The following STX19 variants were observed in gnomAD, a reference collection of about 807,000 sequenced individuals.
STX19 encodes the protein syntaxin 19.
Under a neutral mutation model 24.3 loss-of-function variants are expected in STX19, and 26 were observed. The ratio of observed to expected loss-of-function variants is 1.07; its 90% CI spans 0.78 to 1.48. The LOEUF (loss-of-function observed/expected upper bound fraction) is 1.48, where lower values mean the gene tolerates loss of function less well. Among genes scored for constraint, STX19 ranks in the 40% most tolerant of loss-of-function variants. STX19 has a pLI of 0.00. For synonymous variants in STX19, 116 were observed against 106.9 expected (o/e 1.09, Z -0.52); for missense variants, 367 against 331.9 (o/e 1.11, Z -0.82).
chr3:94,020,869 G>C (rs2076432805), intron 1 of STX19, among the ~76,000 whole-genome samples: 1 of 152,120 alleles, frequency 6.6e-6, no homozygotes, highest in Non-Finnish European at 1.5e-5. Flanking sequence ...AGGTAAAAAA[G>C]TTCAGTCAGT....
chr3:94,017,414 A>G (rs1445806225), intron 1 of STX19, among the ~76,000 whole-genome samples: 1 of 152,214 alleles, frequency 6.6e-6, no homozygotes, highest in Non-Finnish European at 1.5e-5. Flanking sequence ...TGAGTTTGCC[A>G]TCACTGGACA....
chr3:94,021,698 A>G (rs765597947), intron 1 of STX19, among the ~76,000 whole-genome samples: 18 of 152,184 alleles, frequency 1.2e-4, no homozygotes, highest in Non-Finnish European at 2.1e-4. Context: ...AGGTTGGCTT[A>G]GTAATTTATC....
chr3:94,019,496 A>C (rs1355274062), intron 1 of STX19, among the ~76,000 whole-genome samples: 1 of 152,096 alleles, frequency 6.6e-6, no homozygotes, highest in East Asian at 1.9e-4. Flanking sequence ...CAACTGGTCA[A>C]GTCCCTGTTA....
intron 1 of STX19, among the ~76,000 whole-genome samples, chr3:94,018,906 C>T (rs940797269): frequency 6.6e-6 from 1 of 152,060 alleles, no homozygotes; most frequent in East Asian, 1.9e-4. Flanking sequence ...GCTGGGACTA[C>T]AGGCATGTGC....
Position 94,014,926 on chromosome 3 carries a change from T to C in STX19, c.344A>G (p.Glu115Gly). Residue 115 changes from glutamate to glycine, a missense_variant, in exon 2 of 2, where the codon GAA (glutamate) becomes GGA (glycine). Coordinates refer to ENST00000315099, the MANE Select transcript of STX19 (RefSeq NM_001001850.3). ...ATTTTCAACCTCTGACTTTTTAACT[T>C]CTTTAACTAAATCATTCAAACTTCT... The part of the protein sequence containing the change: ...INRSLNDLVK[E>G]VKKSEVENGP... The C allele has an allele frequency of 6.2e-7, 1 of 1,613,590 alleles. No homozygotes were observed. Among genetic ancestry groups the C allele is most frequent in the Non-Finnish European group, 8.5e-7 (1 of 1,179,858 alleles).
intron 1 of STX19, among the ~76,000 whole-genome samples, chr3:94,018,955 A>C (rs893294876): frequency 6.6e-6 from 1 of 151,820 alleles, no homozygotes; most frequent in African/African-American, 2.4e-5. Context: ...TATTAACGAC[A>C]GGGTTTCACC....
chr3:94,015,001 C>T lies in STX19; in HGVS notation c.269G>A (p.Arg90Lys), dbSNP rs2076299894. ...ASMRRFSLLK[R>K]ESTITKEIKI... ...TATCTCCTTTGTAATGGTAGACTCT[C>T]TCTTAAGTAGACTAAACCTTCTCAT... Residue 90 changes from arginine (R) to lysine (K), a missense_variant, in exon 2 of 2, where the codon AGA becomes AAA. Arg to Lys is a conservative substitution (Grantham distance 26). Coordinates refer to ENST00000315099, the MANE Select transcript of STX19 (RefSeq NM_001001850.3). 6.2e-7 allele frequency: 1 copy of T among 1,614,080 alleles called. No homozygotes were observed. The highest frequency in any genetic ancestry group is 1.1e-5 in the South Asian group (1 of 91,070).
intron 1 of STX19, among the ~76,000 whole-genome samples, chr3:94,026,638 A>C (rs1324446933): frequency 6.6e-6 from 1 of 152,220 alleles, no homozygotes; most frequent in Non-Finnish European, 1.5e-5. Flanking sequence ...TCATATAAGC[A>C]TAAAATATGA....
chr3:94,016,698 A>T (rs1337894209), intron 1 of STX19, among the ~76,000 whole-genome samples: 1 of 147,616 alleles, frequency 6.8e-6, no homozygotes, highest in Non-Finnish European at 1.5e-5. Flanking sequence ...CCCGGCTGGC[A>T]TGCAGTGGTG....
intron 1 of STX19, among the ~76,000 whole-genome samples, chr3:94,023,067 AT>A (rs775860299): frequency 2.6e-5 from 4 of 151,530 alleles, no homozygotes; most frequent in Non-Finnish European, 4.4e-5. Context: ...TCTATTTTTG[AT>A]TTCCAATTCC....
At chr3:94,021,293 G>T (rs897389491) in intron 1 of STX19, among the ~76,000 whole-genome samples, 1 of 151,256 alleles carries the variant, frequency 6.6e-6, no homozygotes, top group African/African-American at 2.4e-5. Context: ...TCCTGGGTTC[G>T]AAGCGATTCT....
At chr3:94,023,755 A>G (rs1393954374) in intron 1 of STX19, among the ~76,000 whole-genome samples, 1 of 152,154 alleles carries the variant, frequency 6.6e-6, no homozygotes, top group Non-Finnish European at 1.5e-5. Context: ...CTAGTGAAAT[A>G]TACACAAATA....
chr3:94,018,603 A>G lies in STX19; in HGVS notation c.-13-3321T>C, dbSNP rs185835347. On this transcript the variant is annotated intron_variant, in intron 1 of 1. Transcript: ENST00000315099. ...TTGTAAGCTGATGACCCAAATTTGT[A>G]TCTCCAGTTTAGGTTGCTCTTAAAA... Among the ~76,000 whole-genome samples, 169 of 152,182 alleles carry G rather than the reference A, an allele frequency of 1.1e-3. 1 individual carries two copies. The highest frequency in any genetic ancestry group is 3.7e-3 in the African/African-American group (155 of 41,506).
intron 1 of STX19, among the ~76,000 whole-genome samples, chr3:94,027,313 A>G (rs550232649): frequency 7.0e-4 from 106 of 152,168 alleles, no homozygotes; most frequent in African/African-American, 2.5e-3. Context: ...AAAATTGCAA[A>G]TTGCATATAT....
At chr3:94,022,475 G>T (rs12492553) in intron 1 of STX19, among the ~76,000 whole-genome samples, 51,877 of 151,810 alleles carry the variant, frequency 0.34, 10,895 homozygotes, top group East Asian at 0.55. Context: ...GGAAGATGTG[G>T]ATTTAATCTT....
chr3:94,028,081 G>T (rs910481818), intron 1 of STX19, among the ~76,000 whole-genome samples: 3 of 152,060 alleles, frequency 2.0e-5, no homozygotes, highest in African/African-American at 7.2e-5. Flanking sequence ...TGACTTTCTA[G>T]TATTTTTTAA....
In STX19 at chr3:94,015,054, C is replaced by T. The variant is rs1199922929; in HGVS notation, c.216G>A (p.Gly72=). 6.2e-7 allele frequency: 1 copy of T among 1,613,976 alleles called. No individual in the cohort carries two copies. The highest frequency in any genetic ancestry group is 1.7e-5 in the Admixed American group (1 of 59,998). Residue 72 remains glycine, a synonymous_variant, in exon 2 of 2, where the codon GGG becomes GGA. Coordinates refer to ENST00000315099, the MANE Select transcript of STX19 (RefSeq NM_001001850.3). ...AAGCCACCAGACTTTTCTGTTGCTGCCCAAATTTTTGAACATTATCTGCCA... is the reference window on the plus strand; with the variant it reads ...AAGCCACCAGACTTTTCTGTTGCTGTCCAAATTTTTGAACATTATCTGCCA... ...NNLADNVQKF[G]QQQKSLVASM...
intron 1 of STX19, among the ~76,000 whole-genome samples, chr3:94,021,182 T>TTATATA (rs373884811): frequency 3.4e-5 from 5 of 146,450 alleles, no homozygotes; most frequent in Admixed American, 6.9e-5. Context: ...TTTAATATTA[T>TTATATA]TATATATATA....
intron 1 of STX19, among the ~76,000 whole-genome samples, chr3:94,018,710 A>G (rs894456167): frequency 6.6e-6 from 1 of 152,090 alleles, no homozygotes; most frequent in South Asian, 2.1e-4. Context: ...AAACTGCCCC[A>G]TCTCTCTTCT....
Sources: gnomAD v4.1 joint callset for allele counts (sites outside exome capture counted in the v4.1 genomes callset) on GRCh38, gnomAD v4.1.1 for gene constraint, MANE v1.5 for transcripts, NCBI Gene and HGNC (gene_info 2026-07-23, HGNC 2026-07-21) for gene names.